The following HEATR4 variants were observed in gnomAD, a reference collection of about 807,000 sequenced individuals.
The protein encoded by HEATR4 is HEAT repeat containing 4, also known as HEAT repeat-containing protein 4.
HEATR4 carries 95 observed loss-of-function variants against 108.8 expected under a neutral mutation model. That is an observed-to-expected ratio of 0.87 (90% CI 0.74 to 1.04). HEATR4 has a LOEUF of 1.04. Among genes scored for constraint, HEATR4 ranks in the 50% least tolerant of loss-of-function variants. The pLI, the probability that HEATR4 is intolerant of heterozygous loss-of-function variation, is 0.00. For synonymous variants in HEATR4, 443 were observed against 459.4 expected (o/e 0.96, Z 0.46); for missense variants, 1,152 against 1,253.8 (o/e 0.92, Z 1.23).
At chr14:73,613,037 T>TC in the HEATR4 span, 1 of 786,818 alleles carries the variant, frequency 1.3e-6, no homozygotes, top group Admixed American at 4.1e-5. Flanking sequence ...GGATGAGTAG[T>TC]CTGCCCAGAA....
intron 11 of HEATR4, among the ~76,000 whole-genome samples, chr14:73,501,225 TCTCCTGCCTCAGC>T (rs745333372): frequency 2.0e-5 from 3 of 152,036 alleles, no homozygotes; most frequent in Non-Finnish European, 4.4e-5. Context: ...TTCACGCCAT[TCTCCTGCCTCAGC>T]CTCCTGAGTA....
In HEATR4 at chr14:73,500,250, CAAAA is replaced by C. The variant is rs377153636; in HGVS notation, c.2286+296_2286+299del. The stretch of plus-strand genomic sequence containing the variant: ...GTCTCAAAACAAACAAACAAACAAA[CAAAA>C]AAACCATGAGAATTATGCACGGACC... On this transcript the variant is annotated intron_variant, in intron 12 of 17. Transcript: ENST00000553558. 1.2e-3 allele frequency among the ~76,000 whole-genome samples: 182 copies of C among 149,092 alleles called. 1 individual carries two copies. The highest frequency in any genetic ancestry group is 4.0e-3 in the African/African-American group (164 of 40,592).
chr14:73,576,432 A>C, the HEATR4 span, among the ~76,000 whole-genome samples: 3 of 152,122 alleles, frequency 2.0e-5, no homozygotes, highest in Non-Finnish European at 4.4e-5. Context: ...GACTTTTAGG[A>C]TTTGTTTCAA....
chr14:73,510,411 T>G (rs1166207024), intron 7 of HEATR4, among the ~76,000 whole-genome samples: 1 of 151,202 alleles, frequency 6.6e-6, no homozygotes, highest in East Asian at 1.9e-4. Context: ...CAGGCATCCC[T>G]GTTGGCTGGA....
intron 2 of HEATR4, among the ~76,000 whole-genome samples, chr14:73,523,706 C>T (rs918107465): frequency 1.4e-4 from 22 of 152,286 alleles, no homozygotes; most frequent in African/African-American, 4.6e-4. Context: ...GTGTCCTCTA[C>T]ATGAAATGGC....
At position 73,491,644 on chromosome 14, in the gene HEATR4, C is replaced by T. The variant is rs755155911; in HGVS notation, c.2844+1422G>A. 6.5e-6 allele frequency: 10 copies of T among 1,549,768 alleles called. No individual in the cohort carries two copies. The East Asian group carries it at 2.2e-4, about 34-fold the overall frequency. On this transcript the variant is annotated intron_variant, in intron 17 of 17. Transcript: ENST00000553558. ...GAGCGGCCCGCCTCTTTGAGTGGCT[C>T]ATCGCGCCCATGCCGCCAGATCACT... is the stretch of plus-strand genomic sequence containing the variant.
chr14:73,503,742 A>G (rs1199217557), intron 10 of HEATR4, among the ~76,000 whole-genome samples: 4 of 152,180 alleles, frequency 2.6e-5, no homozygotes, highest in African/African-American at 7.2e-5. Flanking sequence ...TGTTCTAGCT[A>G]TTTGTAACAT....
the HEATR4 span, among the ~76,000 whole-genome samples, chr14:73,583,079 C>G: frequency 1.2e-3 from 187 of 152,164 alleles, 1 homozygote; most frequent in East Asian, 0.034. Context: ...CGCGGTGGCT[C>G]ACACCTATAA....
upstream of HEATR4, among the ~76,000 whole-genome samples, chr14:73,561,458 C>T (rs577472328): frequency 2.7e-3 from 405 of 151,388 alleles, 7 homozygotes; most frequent in African/African-American, 9.0e-3. Context: ...GAGCCTGAGG[C>T]GGACAGATTA....
At chr14:73,573,698 A>T in the HEATR4 span, 6 of 1,266,314 alleles carry the variant, frequency 4.7e-6, no homozygotes, top group Non-Finnish European at 5.7e-6. Context: ...CCCTACCCCA[A>T]CACACACTAC....
At chr14:73,506,683 TA>T (rs201421441) in intron 9 of HEATR4, 112 bp from the exon 10 acceptor site, 8,319 of 720,756 alleles carry the variant, frequency 0.012, 153 homozygotes, top group Admixed American at 0.046. Flanking sequence ...CCAGTGGGCT[TA>T]CAAGAGATGG....
At chr14:73,595,076 G>A in the HEATR4 span, 3 of 1,613,928 alleles carry the variant, frequency 1.9e-6, no homozygotes, top group Non-Finnish European at 2.5e-6. Flanking sequence ...TGGGCTTTTG[G>A]GCATTTCTCT....
the HEATR4 span, among the ~76,000 whole-genome samples, chr14:73,622,001 G>A: frequency 6.6e-6 from 1 of 151,930 alleles, no homozygotes; most frequent in Admixed American, 6.6e-5. Context: ...GGGCTCAAGC[G>A]AACTGCCCCC....
rs965808626 is a variant in HEATR4, at chr14:73,518,263, G to A, written c.1210+760C>T. On this transcript the variant is annotated intron_variant, in intron 5 of 17. Coordinates refer to ENST00000553558, the MANE Select transcript of HEATR4 (RefSeq NM_001220484.1). Reference sequence around the variant, plus strand: ...CAGGCCAGGCAACCCTGTCAGCCAGGTGTGGAGGCATGCACCTGTGATTCC... The same window carrying A: ...CAGGCCAGGCAACCCTGTCAGCCAGATGTGGAGGCATGCACCTGTGATTCC... Among the ~76,000 whole-genome samples, 4 of 152,012 alleles carry A rather than the reference G, an allele frequency of 2.6e-5. No homozygotes were observed. The South Asian group carries it at 6.2e-4, about 24-fold the overall frequency.
chr14:73,629,848 C>T, the HEATR4 span, among the ~76,000 whole-genome samples: 4 of 151,580 alleles, frequency 2.6e-5, no homozygotes, highest in Non-Finnish European at 5.9e-5. Context: ...GGGGTTTCAC[C>T]GTGTTAGCCA....
At chr14:73,589,115 T>C in the HEATR4 span, among the ~76,000 whole-genome samples, 1 of 151,588 alleles carries the variant, frequency 6.6e-6, no homozygotes, top group African/African-American at 2.4e-5. Context: ...TCTAGTTTGC[T>C]TTAGGGTTCG....
At chr14:73,491,887 C>A in intron 17 of HEATR4, 1 of 1,611,762 alleles carries the variant, frequency 6.2e-7, no homozygotes, top group Non-Finnish European at 8.5e-7. Context: ...GGTCCCTGTA[C>A]CAGGCCGGCT....
At chr14:73,619,764 T>C in the HEATR4 span, 8 of 1,611,088 alleles carry the variant, frequency 5.0e-6, no homozygotes, top group Non-Finnish European at 6.8e-6. Context: ...CACAGGTAGA[T>C]GCCTGGCAGC....
At chr14:73,561,821 C>G (rs1301514676), upstream of HEATR4, among the ~76,000 whole-genome samples, 2 of 151,916 alleles carry the variant, frequency 1.3e-5, no homozygotes, top group Admixed American at 1.3e-4. Context: ...CCCATCTCTA[C>G]AAAAAACTTA....
Sources: gnomAD v4.1 joint callset for allele counts (sites outside exome capture counted in the v4.1 genomes callset) on GRCh38, gnomAD v4.1.1 for gene constraint, MANE v1.5 for transcripts, NCBI Gene and HGNC (gene_info 2026-07-23, HGNC 2026-07-21) for gene names.